Variants in LMAN2L observed in about 807,000 individuals in gnomAD.
LMAN2L encodes the protein VIP36-like protein.
A neutral mutation model predicts 44.3 loss-of-function variants in LMAN2L; 30 were observed. The observed-to-expected ratio is 0.68, with a 90% CI of 0.51 to 0.92. LMAN2L has a LOEUF of 0.92. LMAN2L is among the 40% of genes least tolerant of loss of function. The pLI is 0.00. For synonymous variants in LMAN2L, 183 were observed against 171.1 expected (o/e 1.07, Z -0.54); for missense variants, 429 against 446.1 (o/e 0.96, Z 0.35).
chr2:96,723,249 A>C (rs1210511003), intron 4 of LMAN2L, among the ~76,000 whole-genome samples: 1 of 152,202 alleles, frequency 6.6e-6, no homozygotes, highest in Non-Finnish European at 1.5e-5. Flanking sequence ...TAGCGGGTGT[A>C]AAGTAGTGTC....
At chr2:96,716,791 A>G (rs749615641) in intron 4 of LMAN2L, among the ~76,000 whole-genome samples, 41 of 152,226 alleles carry the variant, frequency 2.7e-4, no homozygotes, top group Non-Finnish European at 2.8e-4. Context: ...CCCTGACTCA[A>G]TCACTGGGAT....
intron 4 of LMAN2L, among the ~76,000 whole-genome samples, chr2:96,731,367 C>T (rs553506671): frequency 6.6e-6 from 1 of 152,052 alleles, no homozygotes; most frequent in Non-Finnish European, 1.5e-5. Flanking sequence ...AAAGTGAGCT[C>T]GCTGGGCACA....
intron 6 of LMAN2L, among the ~76,000 whole-genome samples, chr2:96,710,962 G>A (rs866670980): frequency 1.3e-5 from 2 of 152,148 alleles, no homozygotes; most frequent in Non-Finnish European, 2.9e-5. Context: ...CTACGAATCA[G>A]GCATAAGTAG....
rs2077803902 is a variant in LMAN2L, at chr2:96,707,283, C to T, written c.1020G>A (p.Gln340=). ...AGTAGAAGCGCTTTCGGCTCTGTTC[C>T]TGCCATTTGTTGTAGAGTATGATAC... The part of the protein sequence containing the change: ...VIGIILYNKW[Q]EQSRKRFY The change falls in exon 8 of 8, where the codon CAG becomes CAA. Residue 340 remains glutamine, a synonymous_variant. Coordinates refer to ENST00000264963, the MANE Select transcript of LMAN2L (RefSeq NM_030805.4). The T allele has an allele frequency of 6.2e-7, 1 of 1,614,110 alleles. No homozygotes were observed. Among genetic ancestry groups the T allele is most frequent in the Non-Finnish European group, 8.5e-7 (1 of 1,179,996 alleles).
rs2078149509 is a variant in LMAN2L, at chr2:96,721,319, T to C, written c.508-9294A>G. Among the ~76,000 whole-genome samples, 3 of 149,700 alleles carry C rather than the reference T, an allele frequency of 2.0e-5. No homozygotes were observed. The South Asian group carries it at 6.3e-4, about 31-fold the overall frequency. On this transcript the variant is annotated intron_variant, in intron 4 of 7. Coordinates refer to ENST00000264963, the MANE Select transcript of LMAN2L (RefSeq NM_030805.4). ...GGAGCACATATCGATACTTAATTTC[T>C]TTCAGTCTTTTTTTTTTTTTTTTTT...
At chr2:96,712,130 A>C (rs1225360944) in intron 4 of LMAN2L, 105 bp from the exon 5 acceptor site, 26 of 1,137,266 alleles carry the variant, frequency 2.3e-5, no homozygotes, top group Non-Finnish European at 3.0e-5. Context: ...CCCTTACAGC[A>C]GAATAGGCAG....
intron 4 of LMAN2L, among the ~76,000 whole-genome samples, chr2:96,716,198 A>G (rs1390480025): frequency 6.6e-6 from 1 of 152,230 alleles, no homozygotes; most frequent in Non-Finnish European, 1.5e-5. Flanking sequence ...TTGCCTACTA[A>G]AAATATTAAA....
chr2:96,721,467 G>A (rs2078154105), intron 4 of LMAN2L, among the ~76,000 whole-genome samples: 2 of 150,734 alleles, frequency 1.3e-5, no homozygotes, highest in Non-Finnish European at 2.9e-5. Flanking sequence ...TAAAGTGCTA[G>A]AATTACAAGT....
intron 4 of LMAN2L, among the ~76,000 whole-genome samples, chr2:96,715,866 G>A (rs1574003594): frequency 6.6e-6 from 1 of 152,082 alleles, no homozygotes; most frequent in South Asian, 2.1e-4. Context: ...GTAACCCTTC[G>A]GTGGATTACA....
chr2:96,724,772 G>A (rs1426527591), intron 4 of LMAN2L, among the ~76,000 whole-genome samples: 10 of 151,384 alleles, frequency 6.6e-5, no homozygotes, highest in African/African-American at 2.4e-4. Flanking sequence ...TCTGCCTCCC[G>A]AGTAGCTGGG....
chr2:96,711,473 T>C (rs2077914423), intron 6 of LMAN2L, among the ~76,000 whole-genome samples, 183 bp downstream of exon 6: 1 of 152,208 alleles, frequency 6.6e-6, no homozygotes, highest in Non-Finnish European at 1.5e-5. Flanking sequence ...ACAACTGTAC[T>C]AGGAAAGCCT....
chr2:96,716,546 T>C (rs970613907), intron 4 of LMAN2L, among the ~76,000 whole-genome samples: 21 of 152,218 alleles, frequency 1.4e-4, no homozygotes. Context: ...AACTAAGATG[T>C]TTGCAAAATG....
intron 4 of LMAN2L, among the ~76,000 whole-genome samples, chr2:96,725,492 G>T (rs2078251551): frequency 6.6e-6 from 1 of 150,890 alleles, no homozygotes; most frequent in African/African-American, 2.4e-5. Context: ...ACCCAGGCTG[G>T]AGTGCAGTGG....
chr2:96,710,565 G>A (rs978868392), intron 6 of LMAN2L, among the ~76,000 whole-genome samples: 5 of 152,172 alleles, frequency 3.3e-5, no homozygotes, highest in African/African-American at 1.2e-4. Context: ...TTGGGAGGCT[G>A]AGGCAGGAGA....
At chr2:96,710,964 C>A (rs760554368) in intron 6 of LMAN2L, among the ~76,000 whole-genome samples, 3 of 151,960 alleles carry the variant, frequency 2.0e-5, no homozygotes, top group Non-Finnish European at 4.4e-5. Flanking sequence ...ACGAATCAGG[C>A]ATAAGTAGAA....
chr2:96,707,713 C>G lies in LMAN2L; in HGVS notation c.904+1G>C. 1 of 1,614,110 alleles carries G rather than the reference C, an allele frequency of 6.2e-7. No homozygotes were observed. Among genetic ancestry groups the G allele is most frequent in the Non-Finnish European group, 8.5e-7 (1 of 1,179,996 alleles). ...CATTTCCCGCGGGCCCCTGTGCTCA[C>G]TCTCAGGCAGCTTCATATTGTCCAC... On this transcript the variant is annotated splice_donor_variant, in intron 7 of 7. Coordinates refer to ENST00000264963, the MANE Select transcript of LMAN2L (RefSeq NM_030805.4). LOFTEE classifies it high-confidence loss of function.
At chr2:96,727,486 G>A (rs1170908458) in intron 4 of LMAN2L, among the ~76,000 whole-genome samples, 1 of 152,018 alleles carries the variant, frequency 6.6e-6, no homozygotes, top group Non-Finnish European at 1.5e-5. Flanking sequence ...ACAAAAATTA[G>A]CCAGGTGTGG....
At chr2:96,732,670 GAA>G (rs886397626) in intron 4 of LMAN2L, among the ~76,000 whole-genome samples, 8 of 148,726 alleles carry the variant, frequency 5.4e-5, no homozygotes, top group African/African-American at 2.0e-4. Flanking sequence ...AAAAAAAAAA[GAA>G]AGCACTAAAA....
chr2:96,721,037 CAG>C (rs763768376), intron 4 of LMAN2L, among the ~76,000 whole-genome samples: 1 of 152,078 alleles, frequency 6.6e-6, no homozygotes, highest in Non-Finnish European at 1.5e-5. Context: ...TTAGTATATT[CAG>C]AGTTAAGATT....
Sources: gnomAD v4.1 joint callset for allele counts (sites outside exome capture counted in the v4.1 genomes callset) on GRCh38, gnomAD v4.1.1 for gene constraint, MANE v1.5 for transcripts, NCBI Gene and HGNC (gene_info 2026-07-23, HGNC 2026-07-21) for gene names.